The following IGBP1C variants were observed in gnomAD, a reference collection of about 807,000 sequenced individuals.
The protein encoded by IGBP1C is IGBP1 family member C, also known as immunoglobulin-binding protein 1 family member C.
At chr17:58,682,297 G>A in the IGBP1C span, among the ~76,000 whole-genome samples, 2,095 of 142,676 alleles carry the variant, frequency 0.015, 21 homozygotes, top group Middle Eastern at 0.057. Flanking sequence ...TTACTCTGTC[G>A]TCCAGGCTAG....
the IGBP1C span, among the ~76,000 whole-genome samples, chr17:58,689,726 T>C: frequency 6.6e-6 from 1 of 152,210 alleles, no homozygotes; most frequent in African/African-American, 2.4e-5. Flanking sequence ...CTTTGTTTAG[T>C]TCCTAGTGCG....
chr17:58,671,587 G>A, the IGBP1C span, among the ~76,000 whole-genome samples: 1 of 152,032 alleles, frequency 6.6e-6, no homozygotes, highest in Non-Finnish European at 1.5e-5. Context: ...CCTGCCTGTG[G>A]TCCATTAAAA....
At chr17:58,677,853 GT>G in the IGBP1C span, 7 of 152,364 alleles carry the variant, frequency 4.6e-5, no homozygotes, top group African/African-American at 1.4e-4. Flanking sequence ...CTTTTCCAAA[GT>G]TTAAGAGCCA....
At chr17:58,683,840 G>A in the IGBP1C span, among the ~76,000 whole-genome samples, 1 of 151,640 alleles carries the variant, frequency 6.6e-6, no homozygotes, top group South Asian at 2.1e-4. Flanking sequence ...GCTGAGGCGG[G>A]CGGATCACAA....
At chr17:58,665,150 A>G in the IGBP1C span, among the ~76,000 whole-genome samples, 3 of 151,892 alleles carry the variant, frequency 2.0e-5, no homozygotes, top group African/African-American at 7.2e-5. Flanking sequence ...TAGCTATATT[A>G]TTATTTTTAT....
the IGBP1C span, among the ~76,000 whole-genome samples, chr17:58,674,408 G>A: frequency 6.6e-6 from 1 of 151,944 alleles, no homozygotes; most frequent in African/African-American, 2.4e-5. Context: ...AGTGGCTCAC[G>A]CCTGTAATCC....
the IGBP1C span, chr17:58,660,593 C>A: frequency 7.5e-5 from 60 of 796,652 alleles, no homozygotes; most frequent in South Asian, 7.7e-4. Flanking sequence ...CATGTTCTGT[C>A]GGTTGCCGTA....
the IGBP1C span, among the ~76,000 whole-genome samples, chr17:58,663,349 G>A: frequency 6.7e-6 from 1 of 149,048 alleles, no homozygotes; most frequent in Non-Finnish European, 1.5e-5. Context: ...TTGAACGTGG[G>A]AGGCGGAGGT....
At chr17:58,661,786 C>T in the IGBP1C span, 4 of 514,858 alleles carry the variant, frequency 7.8e-6, no homozygotes, top group Admixed American at 7.4e-5. Context: ...AATCGCTGCT[C>T]CACTCCGGGT....
chr17:58,661,378 A>G, the IGBP1C span: 2 of 923,574 alleles, frequency 2.2e-6, no homozygotes, highest in African/African-American at 1.6e-5. Flanking sequence ...GGTCGGTGGA[A>G]GTAATCTCCT....
the IGBP1C span, among the ~76,000 whole-genome samples, chr17:58,671,289 A>G: frequency 6.6e-6 from 1 of 152,176 alleles, no homozygotes; most frequent in African/African-American, 2.4e-5. Flanking sequence ...GACATCACCA[A>G]GCCAGGCTAA....
chr17:58,672,800 C>T, the IGBP1C span, among the ~76,000 whole-genome samples: 2 of 151,484 alleles, frequency 1.3e-5, no homozygotes, highest in Non-Finnish European at 2.9e-5. Flanking sequence ...GGTGTGATCT[C>T]GGCTTACTGC....
chr17:58,673,067 T>A, the IGBP1C span, among the ~76,000 whole-genome samples: 5 of 151,956 alleles, frequency 3.3e-5, no homozygotes, highest in African/African-American at 9.7e-5. Flanking sequence ...TTAAAAAAAA[T>A]TTCTTACAAT....
chr17:58,662,956 A>T, the IGBP1C span, among the ~76,000 whole-genome samples: 1,678 of 151,898 alleles, frequency 0.011, 30 homozygotes, highest in African/African-American at 0.039. Flanking sequence ...AAGCACAAAA[A>T]AATTAGCCGG....
the IGBP1C span, chr17:58,661,597 C>T: frequency 7.0e-6 from 5 of 719,280 alleles, no homozygotes; most frequent in Non-Finnish European, 1.3e-5. Context: ...CAGCAGCTGC[C>T]ATCTTGGGAA....
At chr17:58,685,719 C>T in the IGBP1C span, among the ~76,000 whole-genome samples, 18 of 151,610 alleles carry the variant, frequency 1.2e-4, no homozygotes, top group Non-Finnish European at 2.1e-4. Flanking sequence ...AGGCGAGGTG[C>T]GGTGCCTCAT....
At chr17:58,688,816 T>G in the IGBP1C span, among the ~76,000 whole-genome samples, 16 of 151,860 alleles carry the variant, frequency 1.1e-4, no homozygotes, top group Admixed American at 7.2e-4. Flanking sequence ...CCGGGGGGGG[T>G]TTGGGAGATT....
the IGBP1C span, among the ~76,000 whole-genome samples, chr17:58,689,074 G>T: frequency 1.3e-5 from 2 of 151,846 alleles, no homozygotes; most frequent in African/African-American, 4.8e-5. Context: ...GGGACTACAG[G>T]TGCCTGCCAC....
the IGBP1C span, among the ~76,000 whole-genome samples, chr17:58,683,608 C>T: frequency 6.7e-6 from 1 of 149,738 alleles, no homozygotes; most frequent in East Asian, 2.0e-4. Flanking sequence ...ACTAAAAATA[C>T]AAAAATTAGC....
Sources: gnomAD v4.1 joint callset for allele counts (sites outside exome capture counted in the v4.1 genomes callset) on GRCh38, gnomAD v4.1.1 for gene constraint, MANE v1.5 for transcripts, NCBI Gene and HGNC (gene_info 2026-07-23, HGNC 2026-07-21) for gene names.